MAML2: variants seen among roughly 807,000 people sequenced by gnomAD.
MAML2 encodes mastermind-like protein 2.
A neutral mutation model predicts 96.1 loss-of-function variants in MAML2; 22 were observed. The observed-to-expected ratio is 0.23, with a 90% CI of 0.16 to 0.33. The LOEUF (loss-of-function observed/expected upper bound fraction) is 0.33, where lower values mean the gene tolerates loss of function less well. Ranked by LOEUF, MAML2 falls within the 10% of genes least tolerant of loss-of-function variation. The pLI, the probability that MAML2 is intolerant of heterozygous loss-of-function variation, is 1.00. For synonymous variants in MAML2, 561 were observed against 521.3 expected (o/e 1.08, Z -1.04); for missense variants, 1,367 against 1,392.4 (o/e 0.98, Z 0.29).
intron 1 of MAML2, among the ~76,000 whole-genome samples, chr11:96,181,272 GA>G (rs1861480132): frequency 2.0e-5 from 3 of 152,276 alleles, no homozygotes; most frequent in Admixed American, 2.0e-4. Context: ...CACACCTCCA[GA>G]AAAAGTACAA....
intron 2 of MAML2, among the ~76,000 whole-genome samples, chr11:96,010,206 G>A (rs1408454296): frequency 2.0e-5 from 3 of 152,018 alleles, no homozygotes; most frequent in Non-Finnish European, 4.4e-5. Context: ...ATTATATATG[G>A]ATACATATTT....
At chr11:96,150,490 G>A (rs1258069853) in intron 1 of MAML2, among the ~76,000 whole-genome samples, 2 of 152,200 alleles carry the variant, frequency 1.3e-5, no homozygotes, top group South Asian at 2.1e-4. Flanking sequence ...GGAGAGAGAC[G>A]TCAGCATTTC....
At chr11:96,166,192 C>CAT in intron 1 of MAML2, among the ~76,000 whole-genome samples, 1 of 151,048 alleles carries the variant, frequency 6.6e-6, no homozygotes. Flanking sequence ...CACACACACA[C>CAT]ACACACACAC....
At chr11:96,180,640 C>T (rs1861469001) in intron 1 of MAML2, among the ~76,000 whole-genome samples, 1 of 152,206 alleles carries the variant, frequency 6.6e-6, no homozygotes, top group Non-Finnish European at 1.5e-5. Context: ...GGACTGACTC[C>T]TGCTCAAATT....
chr11:96,299,056 A>ATATATATATATATATATATAT (rs1191083053), intron 1 of MAML2, among the ~76,000 whole-genome samples: 33 of 49,666 alleles, frequency 6.6e-4, no homozygotes, highest in Non-Finnish European at 7.8e-4. Context: ...AAAAAAAAAA[A>ATATATATATATATATATATAT]AAAAATATAT....
At chr11:96,026,819 G>GT (rs1485710995) in intron 2 of MAML2, among the ~76,000 whole-genome samples, 2 of 80,706 alleles carry the variant, frequency 2.5e-5, no homozygotes, top group African/African-American at 9.9e-5. Flanking sequence ...TTGCTATGGG[G>GT]TTAAAAAAAA....
At chr11:96,267,196 A>G (rs1301631877) in intron 1 of MAML2, among the ~76,000 whole-genome samples, 1 of 152,244 alleles carries the variant, frequency 6.6e-6, no homozygotes, top group Non-Finnish European at 1.5e-5. Context: ...CAAGCTGATG[A>G]GTAAAGTACA....
chr11:96,250,257 TTTA>T (rs1172344678), intron 1 of MAML2, among the ~76,000 whole-genome samples: 1 of 144,414 alleles, frequency 6.9e-6, no homozygotes, highest in Non-Finnish European at 1.5e-5. Context: ...TTAAAAATTT[TTTA>T]TTCTTAAAAT....
chr11:96,211,893 GGA>G (rs1356390126), intron 1 of MAML2, among the ~76,000 whole-genome samples: 1 of 152,134 alleles, frequency 6.6e-6, no homozygotes, highest in Admixed American at 6.5e-5. Flanking sequence ...TAGATAGAAT[GGA>G]GAGAACTAGG....
At chr11:96,025,433 C>A (rs1468044516) in intron 2 of MAML2, among the ~76,000 whole-genome samples, 1 of 152,152 alleles carries the variant, frequency 6.6e-6, no homozygotes, top group Admixed American at 6.5e-5. Flanking sequence ...TGAAACACTA[C>A]CTATTGGATA....
At chr11:96,325,220 A>T (rs148314516) in intron 1 of MAML2, among the ~76,000 whole-genome samples, 1 of 152,060 alleles carries the variant, frequency 6.6e-6, no homozygotes, top group African/African-American at 2.4e-5. Flanking sequence ...TTAGCTATTC[A>T]ACTTTGCCAG....
intron 2 of MAML2, among the ~76,000 whole-genome samples, chr11:96,084,523 G>A (rs1859577295): frequency 6.6e-6 from 1 of 152,154 alleles, no homozygotes; most frequent in African/African-American, 2.4e-5. Flanking sequence ...CCTCTTCCCA[G>A]CATGGGAACA....
intron 1 of MAML2, among the ~76,000 whole-genome samples, chr11:96,282,256 A>AATAATAAT (rs989774428): frequency 2.7e-5 from 4 of 147,842 alleles, no homozygotes; most frequent in Non-Finnish European, 4.5e-5. Context: ...CTCAAAAAAA[A>AATAATAAT]AATAATAATA....
intron 1 of MAML2, among the ~76,000 whole-genome samples, chr11:96,340,726 C>T (rs547284525): frequency 1.3e-5 from 2 of 152,062 alleles, no homozygotes; most frequent in South Asian, 2.1e-4. Flanking sequence ...GGAAAATAAT[C>T]GAGATGTGGC....
chr11:96,239,793 A>G (rs899625878), intron 1 of MAML2, among the ~76,000 whole-genome samples: 1 of 152,170 alleles, frequency 6.6e-6, no homozygotes. Flanking sequence ...TAATGTAGGT[A>G]TATTAGTAAG....
At chr11:96,302,370 C>G (rs1281368994) in intron 1 of MAML2, among the ~76,000 whole-genome samples, 1 of 152,216 alleles carries the variant, frequency 6.6e-6, no homozygotes, top group Non-Finnish European at 1.5e-5. Context: ...CTGGCTCACT[C>G]AGCATCCATT....
At chr11:96,065,204 T>C (rs900602185) in intron 2 of MAML2, among the ~76,000 whole-genome samples, 1 of 152,240 alleles carries the variant, frequency 6.6e-6, no homozygotes, top group African/African-American at 2.4e-5. Flanking sequence ...GAAAAGTTGC[T>C]ATGAAAATTG....
intron 1 of MAML2, among the ~76,000 whole-genome samples, chr11:96,130,852 C>A (rs944027056): frequency 3.3e-5 from 5 of 151,610 alleles, no homozygotes; most frequent in Non-Finnish European, 7.4e-5. Flanking sequence ...TAACTTCTAC[C>A]CTTTGTCCTA....
At chr11:96,225,880 G>A (rs1369199288) in intron 1 of MAML2, among the ~76,000 whole-genome samples, 5 of 152,038 alleles carry the variant, frequency 3.3e-5, no homozygotes, top group African/African-American at 9.7e-5. Flanking sequence ...GAGATCGTAC[G>A]AGCATTCTCA....
Sources: allele counts gnomAD v4.1 joint callset (sites outside exome capture counted in the v4.1 genomes callset), GRCh38; gene constraint gnomAD v4.1.1; transcripts MANE v1.5; gene names NCBI Gene and HGNC (gene_info 2026-07-23, HGNC 2026-07-21).